The following FARS2 variants were observed in gnomAD, a reference collection of about 807,000 sequenced individuals.
FARS2 encodes the protein phenylalanyl-tRNA synthetase 2, mitochondrial.
Under a neutral mutation model 46.4 loss-of-function variants are expected in FARS2, and 40 were observed. The ratio of observed to expected loss-of-function variants is 0.86; its 90% CI spans 0.67 to 1.12. The LOEUF is 1.12. FARS2 is among the 50% of genes most tolerant of loss of function. The pLI is 0.00. For synonymous variants in FARS2, 234 were observed against 214.9 expected (o/e 1.09, Z -0.78); for missense variants, 513 against 567.9 (o/e 0.90, Z 0.98).
At chr6:5,444,123 G>A (rs1158463977) in intron 4 of FARS2, among the ~76,000 whole-genome samples, 1 of 150,692 alleles carries the variant, frequency 6.6e-6, no homozygotes, top group Non-Finnish European at 1.5e-5. Context: ...GTGTGTGTGT[G>A]TGTATGTGTG....
At chr6:5,717,923 T>TAGAGAGAGAGAG (rs1240643852) in intron 6 of FARS2, among the ~76,000 whole-genome samples, 7 of 31,240 alleles carry the variant, frequency 2.2e-4, no homozygotes, top group African/African-American at 7.8e-4. Context: ...TATATATATA[T>TAGAGAGAGAGAG]ATATATATAT....
chr6:5,567,909 C>G (rs1356342441), intron 5 of FARS2, among the ~76,000 whole-genome samples: 1 of 152,222 alleles, frequency 6.6e-6, no homozygotes, highest in Admixed American at 6.5e-5. Context: ...AAAGGCCACT[C>G]CTTATTCTAG....
chr6:5,543,341 T>A (rs1561699961), intron 4 of FARS2, among the ~76,000 whole-genome samples: 1 of 151,750 alleles, frequency 6.6e-6, no homozygotes, highest in East Asian at 1.9e-4. Context: ...TGGGGATTTG[T>A]GAAACAATTA....
chr6:5,567,471 G>A (rs532257607), intron 5 of FARS2, among the ~76,000 whole-genome samples: 13 of 152,276 alleles, frequency 8.5e-5, no homozygotes, highest in African/African-American at 2.9e-4. Context: ...TAAGCATGAT[G>A]GTTGAAAATA....
intron 3 of FARS2, among the ~76,000 whole-genome samples, chr6:5,411,518 C>T (rs559708725): frequency 6.6e-6 from 1 of 152,318 alleles, no homozygotes; most frequent in South Asian, 2.1e-4. Flanking sequence ...ACTGCCTCTA[C>T]AGGCCTCAGA....
intron 6 of FARS2, among the ~76,000 whole-genome samples, chr6:5,673,712 G>A (rs1038420317): frequency 6.6e-6 from 1 of 152,168 alleles, no homozygotes; most frequent in Non-Finnish European, 1.5e-5. Flanking sequence ...GTATGGAAGT[G>A]TAGAGTAGAG....
intron 6 of FARS2, among the ~76,000 whole-genome samples, chr6:5,621,091 G>T (rs1237378781): frequency 2.6e-5 from 4 of 152,098 alleles, no homozygotes; most frequent in Admixed American, 6.6e-5. Flanking sequence ...GGGTCATAAG[G>T]GTATGGAGGC....
intron 5 of FARS2, among the ~76,000 whole-genome samples, chr6:5,576,574 T>G (rs1250647711): frequency 6.9e-6 from 1 of 145,910 alleles, no homozygotes; most frequent in African/African-American, 2.6e-5. Context: ...AGAGTATATA[T>G]CTATGATATA....
At position 5,456,472 on chromosome 6, in the gene FARS2, G is replaced by A. The variant is rs575740771; in HGVS notation, c.904+25300G>A. On this transcript the variant is annotated intron_variant, in intron 4 of 6. Transcript: ENST00000274680. ...GGGTTGGCCAGGCACGGTGGCTCAC[G>A]CCTGTAATCCCAACACTTTGGGAGG... Among the ~76,000 whole-genome samples the A allele has an allele frequency of 4.9e-4, 74 of 150,424 alleles. 1 individual carries two copies. Among genetic ancestry groups the A allele is most frequent in the African/African-American group, 1.6e-3 (65 of 40,928 alleles).
In FARS2 at chr6:5,543,777, C is replaced by T. The variant is rs1770778206; in HGVS notation, c.905-1403C>T. The stretch of plus-strand genomic sequence containing the variant: ...TCTCCAGAATCCACTCCTCAGCCTT[C>T]CCGTGCTGCATCCCGTCCCATTGCT... On this transcript the variant is annotated intron_variant, in intron 4 of 6. Transcript: ENST00000274680. 2.0e-5 allele frequency among the ~76,000 whole-genome samples: 3 copies of T among 152,272 alleles called. No homozygotes were observed. The South Asian group carries it at 6.2e-4, about 32-fold the overall frequency.
chr6:5,435,418 A>G (rs1436794631), intron 4 of FARS2, among the ~76,000 whole-genome samples: 2 of 152,224 alleles, frequency 1.3e-5, no homozygotes. Flanking sequence ...CATTTAAGCA[A>G]CTGTGGCATA....
At chr6:5,645,762 G>A (rs1777045830) in intron 6 of FARS2, among the ~76,000 whole-genome samples, 1 of 152,154 alleles carries the variant, frequency 6.6e-6, no homozygotes, top group Non-Finnish European at 1.5e-5. Context: ...CAGTTGACGT[G>A]GTGCTTTGAC....
intron 5 of FARS2, among the ~76,000 whole-genome samples, chr6:5,612,461 A>T (rs1398124725): frequency 6.6e-6 from 1 of 152,040 alleles, no homozygotes; most frequent in Non-Finnish European, 1.5e-5. Context: ...TGTGAGAGTT[A>T]TATGTTTAGT....
intron 1 of FARS2, among the ~76,000 whole-genome samples, chr6:5,262,393 C>T (rs557892278): frequency 6.6e-6 from 1 of 152,302 alleles, no homozygotes; most frequent in East Asian, 1.9e-4. Flanking sequence ...ATTCTCCTGC[C>T]TCAGCCTCCT....
intron 1 of FARS2, among the ~76,000 whole-genome samples, chr6:5,348,235 G>C (rs1198182739): frequency 6.6e-6 from 1 of 152,008 alleles, no homozygotes; most frequent in African/African-American, 2.4e-5. Flanking sequence ...AGAAACCTTT[G>C]TCCACTCCAA....
intron 1 of FARS2, among the ~76,000 whole-genome samples, chr6:5,312,028 C>T (rs1769112039): frequency 6.6e-6 from 1 of 152,108 alleles, no homozygotes; most frequent in South Asian, 2.1e-4. Flanking sequence ...CATCCACAAA[C>T]CATATTTAGA....
chr6:5,660,492 A>T (rs1008139817), intron 6 of FARS2, among the ~76,000 whole-genome samples: 1 of 152,040 alleles, frequency 6.6e-6, no homozygotes, highest in Non-Finnish European at 1.5e-5. Context: ...ACAAAAAATT[A>T]AAAAATTGGC....
At chr6:5,480,645 A>G (rs1193456713) in intron 4 of FARS2, among the ~76,000 whole-genome samples, 1 of 152,194 alleles carries the variant, frequency 6.6e-6, no homozygotes, top group Non-Finnish European at 1.5e-5. Context: ...ATTGTCAAAG[A>G]TCTGGAGTAA....
At chr6:5,265,985 A>T (rs1173081814) in intron 1 of FARS2, among the ~76,000 whole-genome samples, 2 of 152,092 alleles carry the variant, frequency 1.3e-5, no homozygotes, top group Non-Finnish European at 2.9e-5. Context: ...AGAAACATTG[A>T]CCTGAAGGAA....
Sources: allele counts gnomAD v4.1 joint callset (sites outside exome capture counted in the v4.1 genomes callset), GRCh38; gene constraint gnomAD v4.1.1; transcripts MANE v1.5; gene names NCBI Gene and HGNC (gene_info 2026-07-23, HGNC 2026-07-21).